BTBD8: variants seen among roughly 807,000 people sequenced by gnomAD.
BTBD8 encodes the protein BTB domain containing 8, also known as BTB/POZ domain-containing protein 8.
Under a neutral mutation model 162.9 loss-of-function variants are expected in BTBD8, and 110 were observed. That is an observed-to-expected ratio of 0.68 (90% CI 0.58 to 0.79). BTBD8 has a LOEUF of 0.79. Ranked by LOEUF, BTBD8 falls within the 30% of genes least tolerant of loss-of-function variation. BTBD8 has a pLI of 0.00. For missense variants in BTBD8, 1,905 were observed against 2,085.4 expected, an observed-to-expected ratio of 0.91 and a Z score of 1.68; for synonymous variants, 667 against 716.1, an observed-to-expected ratio of 0.93 and a Z score of 1.10.
chr1:92,107,818 T>C, intron 3 of BTBD8, 66 bp from the exon 4 acceptor site: 5 of 1,323,940 alleles, frequency 3.8e-6, no homozygotes, highest in Non-Finnish European at 5.2e-6. Context: ...TTGATAATAA[T>C]AGAAAACAAT....
At chr1:92,125,974 C>G (rs1182465220) in intron 4 of BTBD8, 4 of 457,058 alleles carry the variant, frequency 8.8e-6, no homozygotes, top group Non-Finnish European at 1.8e-5. Flanking sequence ...ACTGTCAAAG[C>G]AAAGGCAAAT....
At chr1:92,141,787 G>A (rs777534170) in intron 7 of BTBD8, among the ~76,000 whole-genome samples, 1 of 152,226 alleles carries the variant, frequency 6.6e-6, no homozygotes, top group African/African-American at 2.4e-5. Flanking sequence ...TACATTCTGC[G>A]ACTGTAGGTT....
At chr1:92,111,527 A>T (rs1251641233) in intron 4 of BTBD8, among the ~76,000 whole-genome samples, 1 of 152,170 alleles carries the variant, frequency 6.6e-6, no homozygotes, top group Non-Finnish European at 1.5e-5. Flanking sequence ...TGATTTAGTA[A>T]TTGAGAAGTT....
At position 92,178,316 on chromosome 1, in the gene BTBD8, C is replaced by T; in HGVS notation, c.2446C>T (p.Leu816=). ...EQDTNVNNSV[L]KKVSGKGCSE... ...AATGCAAATAATTTTTTTTAGTGTA[C>T]TAAAGAAAGTCAGTGGCAAAGGATG... The change falls in exon 16 of 18, where the codon CTA becomes TTA. Residue 816 remains leucine, a synonymous_variant. Coordinates refer to ENST00000636805, the MANE Select transcript of BTBD8 (RefSeq NM_001376131.1). The T allele has an allele frequency of 6.5e-7, 1 of 1,547,204 alleles. No homozygotes were observed. Among genetic ancestry groups the T allele is most frequent in the South Asian group, 1.2e-5 (1 of 83,068 alleles).
chr1:92,102,594 T>G lies in BTBD8; in HGVS notation c.469T>G (p.Ser157Ala), dbSNP rs1408167989. ...LDISFPKCEN[S>A]SDCSLQKHEI... ...CATCAGTTTTCCAAAGTGTGAAAAC[T>G]CATCTGATTGTTCTCTTCAGAAGCA... The change falls in exon 3 of 18, where the codon TCA becomes GCA. Residue 157 changes from serine to alanine, a missense_variant. Ser to Ala is a moderately conservative substitution (Grantham distance 99, BLOSUM62 1). Coordinates refer to ENST00000636805, the MANE Select transcript of BTBD8 (RefSeq NM_001376131.1). The G allele has an allele frequency of 3.7e-5, 59 of 1,597,442 alleles. No homozygotes were observed. The highest frequency in any genetic ancestry group is 4.8e-5 in the Non-Finnish European group (56 of 1,172,004).
chr1:92,152,451 A>G (rs1387681166), intron 9 of BTBD8, among the ~76,000 whole-genome samples: 2 of 152,144 alleles, frequency 1.3e-5, no homozygotes, highest in African/African-American at 4.8e-5. Context: ...TGGAATAATA[A>G]GAGAATTAAT....
chr1:92,168,863 C>A lies in BTBD8; in HGVS notation c.1444-3C>A. On this transcript the variant is annotated splice_polypyrimidine_tract_variant and splice_region_variant and intron_variant, in intron 11 of 17. Transcript: ENST00000636805. ...CAGCTGCTGATTTGTTGCTTGAACA[C>A]AGGGTTTTACGTGCAAGATCCAGGC... 6.6e-7 allele frequency: 1 copy of A among 1,507,358 alleles called. No individual in the cohort carries two copies. The highest frequency in any genetic ancestry group is 9.0e-7 in the Non-Finnish European group (1 of 1,113,548). The allele number at this position is 1,507,358 out of a possible 1,614,324, so 93.4% of individuals were successfully genotyped here.
At chr1:92,175,153 A>T (rs1478572854) in intron 13 of BTBD8, among the ~76,000 whole-genome samples, 1 of 152,008 alleles carries the variant, frequency 6.6e-6, no homozygotes, top group Non-Finnish European at 1.5e-5. Flanking sequence ...ACAGCTTCCA[A>T]AGGAAAAAAA....
Position 92,080,432 on chromosome 1 carries a change from C to G in BTBD8, c.-140C>G. ...CTCTGGGAGACTGTCTACAAACCGA[C>G]GAGAGGCGTCAACCTTTTACCCTAG... is the stretch of plus-strand genomic sequence containing the variant. On this transcript the variant is annotated 5_prime_UTR_variant, in exon 1 of 18. Transcript: ENST00000636805. 1.6e-6 allele frequency: 2 copies of G among 1,257,092 alleles called. No homozygotes were observed. Among genetic ancestry groups the G allele is most frequent in the South Asian group, 1.6e-5 (1 of 64,336 alleles). The allele number at this position is 1,257,092 out of a possible 1,614,324, so 77.9% of individuals were successfully genotyped here.
At chr1:92,147,821 C>G (rs1257354937) in intron 9 of BTBD8, 35 bp downstream of exon 9, 2 of 1,524,888 alleles carry the variant, frequency 1.3e-6, no homozygotes, top group Non-Finnish European at 1.8e-6. Flanking sequence ...TGTGTGTTTG[C>G]CATTAAAAAG....
intron 1 of BTBD8, among the ~76,000 whole-genome samples, chr1:92,082,421 T>TC (rs1648042864): frequency 6.6e-6 from 1 of 152,210 alleles, no homozygotes; most frequent in East Asian, 1.9e-4. Flanking sequence ...GTCCTTACAC[T>TC]CTAGTGAGAG....
At position 92,180,390 on chromosome 1, in the gene BTBD8, A is replaced by T; in HGVS notation, c.2707A>T (p.Lys903Ter). Reference protein sequence around the residue: ...EKQAPKRKMVKQVHTALPKVN... With the variant: ...EKQAPKRKMV Reference sequence around the variant, plus strand: ...ACAAGCACCTAAGAGAAAAATGGTCAAGCAAGTACACACAGCTTTGCCTAA... The same window carrying T: ...ACAAGCACCTAAGAGAAAAATGGTCTAGCAAGTACACACAGCTTTGCCTAA... The change falls in exon 17 of 18, where the codon AAG (lysine) becomes TAG (stop). Residue 903 changes from lysine to a stop codon, truncating the protein, a stop_gained. Transcript: ENST00000636805. LOFTEE classifies it high-confidence loss of function. 6.4e-7 allele frequency: 1 copy of T among 1,551,658 alleles called. No homozygotes were observed. The highest frequency in any genetic ancestry group is 8.7e-7 in the Non-Finnish European group (1 of 1,146,970).
intron 4 of BTBD8, chr1:92,126,504 TC>T (rs1649363885): frequency 1.7e-5 from 8 of 483,796 alleles, no homozygotes; most frequent in Admixed American, 1.0e-4. Context: ...CTCTCCTCAA[TC>T]CTCTTCACTC....
chr1:92,129,638 GAAT>G (rs1348763127), intron 4 of BTBD8, 46 bp from the exon 5 acceptor site: 1 of 1,355,030 alleles, frequency 7.4e-7, no homozygotes, highest in South Asian at 1.2e-5. Flanking sequence ...ATTACATTTT[GAAT>G]AATATGTAAA....
At chr1:92,168,315 AAAATGTATATTTTAGATAT>A (rs139917487) in intron 11 of BTBD8, among the ~76,000 whole-genome samples, 108,015 of 150,968 alleles carry the variant, frequency 0.72, 39,404 homozygotes, top group East Asian at 0.97. Flanking sequence ...TTCTAGATAT[AAAATGTATATTTTAGATAT>A]AAATGTATAT....
chr1:92,115,241 C>A (rs1454752869), intron 4 of BTBD8: 1 of 485,422 alleles, frequency 2.1e-6, no homozygotes, highest in Non-Finnish European at 4.0e-6. Flanking sequence ...CCAGAGGGGC[C>A]ATCCACAGTC....
chr1:92,118,537 A>T (rs1183459500), intron 4 of BTBD8, among the ~76,000 whole-genome samples: 1 of 151,876 alleles, frequency 6.6e-6, no homozygotes, highest in African/African-American at 2.4e-5. Context: ...CTCCACTATA[A>T]GTTACTCCTC....
In BTBD8 at chr1:92,129,597, T is replaced by G; in HGVS notation, c.663-90T>G. On this transcript the variant is annotated intron_variant, in intron 4 of 17. Coordinates refer to ENST00000636805, the MANE Select transcript of BTBD8 (RefSeq NM_001376131.1). ...ACAAAACAAATAGATTATTGTGTTT[T>G]AATACATAAAGATGAAAATTTTCAT... is the stretch of plus-strand genomic sequence containing the variant. 6.2e-6 allele frequency: 6 copies of G among 972,382 alleles called. No homozygotes were observed. The South Asian group carries it at 8.3e-5, about 13-fold the overall frequency. The allele number at this position is 972,382 out of a possible 1,614,324, so 60.2% of individuals were successfully genotyped here.
rs578099434 is a variant in BTBD8 at position 92,080,862 on chromosome 1, G to T, written c.149+142G>T. 7 of 1,324,632 alleles carry T rather than the reference G, an allele frequency of 5.3e-6. No individual in the cohort carries two copies. In the African/African-American group the frequency reaches 9.0e-5, roughly 17 times the overall value. The allele number at this position is 1,324,632 out of a possible 1,614,324, so 82.1% of individuals were successfully genotyped here. A position where few individuals can be genotyped will look rare whatever the true frequency, so the allele number is the denominator to read the frequency against. On this transcript the variant is annotated intron_variant, in intron 1 of 17. Coordinates refer to ENST00000636805, the MANE Select transcript of BTBD8 (RefSeq NM_001376131.1). ...TCAGGCGACTGCGGGTCGTTAGCCAGTCTCCCCACTATTCCGAAAAGTGGC... is the reference window on the plus strand; with the variant it reads ...TCAGGCGACTGCGGGTCGTTAGCCATTCTCCCCACTATTCCGAAAAGTGGC...
Sources: gnomAD v4.1 joint callset for allele counts (sites outside exome capture counted in the v4.1 genomes callset) on GRCh38, gnomAD v4.1.1 for gene constraint, MANE v1.5 for transcripts, NCBI Gene and HGNC (gene_info 2026-07-23, HGNC 2026-07-21) for gene names.